DDX60L: variants seen among roughly 807,000 people sequenced by gnomAD.
The protein encoded by DDX60L is DExD/H-box 60 like.
DDX60L carries 191 observed loss-of-function variants against 211.6 expected under a neutral mutation model. The ratio of observed to expected loss-of-function variants is 0.90; its 90% confidence interval spans 0.80 to 1.02. The LOEUF (loss-of-function observed/expected upper bound fraction) is 1.02. Ranked by LOEUF, DDX60L falls within the 50% of genes least tolerant of loss-of-function variation. DDX60L has a pLI of 0.00. For synonymous variants in DDX60L, 706 were observed against 694.1 expected, an observed-to-expected ratio of 1.02 and a Z score of -0.27; for missense variants, 2,007 against 1,984.1, an observed-to-expected ratio of 1.01 and a Z score of -0.22.
intron 34 of DDX60L, among the ~76,000 whole-genome samples, chr4:168,374,512 C>T (rs1363649413): frequency 6.6e-6 from 1 of 152,180 alleles, no homozygotes; most frequent in Non-Finnish European, 1.5e-5. Context: ...ATACCAGTTA[C>T]TCCTCAATCA....
intron 10 of DDX60L, among the ~76,000 whole-genome samples, chr4:168,434,817 G>A (rs923513083): frequency 1.3e-5 from 2 of 152,148 alleles, no homozygotes; most frequent in African/African-American, 4.8e-5. Context: ...TAAATCACCA[G>A]TCATAGCTCC....
At chr4:168,363,071 A>G (rs1477369347) in intron 36 of DDX60L, among the ~76,000 whole-genome samples, 1 of 152,212 alleles carries the variant, frequency 6.6e-6, no homozygotes, top group Non-Finnish European at 1.5e-5. Flanking sequence ...AAAAGCATCA[A>G]GTCACACATA....
intron 26 of DDX60L, among the ~76,000 whole-genome samples, chr4:168,398,810 C>G (rs12512713): frequency 5.3e-5 from 8 of 151,614 alleles, no homozygotes; most frequent in African/African-American, 1.9e-4. Context: ...TTACCAGCTA[C>G]GGAGGGGAGC....
rs1561158178 is a variant in DDX60L, at chr4:168,479,166, A to ATG, written c.-111+1210_-111+1211insCA. On this transcript the variant is annotated intron_variant, in intron 1 of 37. Transcript: ENST00000682922. ...TGGATGGATGGATGGATGGATGGATAGAGAGATAGGAGCTATAGACAAAAA... is the reference window on the plus strand; with the variant it reads ...TGGATGGATGGATGGATGGATGGATATGGAGAGATAGGAGCTATAGACAAAAA... 6.6e-4 allele frequency among the ~76,000 whole-genome samples: 52 copies of ATG among 78,242 alleles called. 1 individual carries two copies. The highest frequency in any genetic ancestry group is 1.4e-3 in the African/African-American group (47 of 33,258). 51.3% of individuals were successfully genotyped at this position (78,242 alleles called of 152,430 possible).
intron 29 of DDX60L, among the ~76,000 whole-genome samples, chr4:168,386,919 AT>A (rs1317461739): frequency 1.3e-5 from 2 of 152,350 alleles, no homozygotes; most frequent in Admixed American, 1.3e-4. Context: ...AGCAAAAGGA[AT>A]TTTATTGATA....
intron 15 of DDX60L, among the ~76,000 whole-genome samples, chr4:168,423,000 T>TGTGTGTGTG (rs375472116): frequency 1.0e-4 from 11 of 108,248 alleles, no homozygotes; most frequent in Middle Eastern, 4.3e-3. Context: ...TGTGTGTGTG[T>TGTGTGTGTG]TGTAGAGACA....
chr4:168,461,177 G>T (rs1340074426), intron 5 of DDX60L, among the ~76,000 whole-genome samples: 1 of 152,180 alleles, frequency 6.6e-6, no homozygotes, highest in Non-Finnish European at 1.5e-5. Context: ...TTGGTGGCCA[G>T]CTCAACCCTG....
At chr4:168,405,902 A>G in intron 24 of DDX60L, 48 bp downstream of exon 24, 1 of 1,500,636 alleles carries the variant, frequency 6.7e-7, no homozygotes, top group South Asian at 1.3e-5. Context: ...GCAACTCCAA[A>G]CAATTAACAA....
chr4:168,387,543 T>C (rs1380729672), intron 29 of DDX60L, among the ~76,000 whole-genome samples: 1 of 152,240 alleles, frequency 6.6e-6, no homozygotes, highest in Non-Finnish European at 1.5e-5. Flanking sequence ...ATCTGCAGAT[T>C]GTTTTTTATA....
chr4:168,384,667 A>T lies in DDX60L; in HGVS notation c.4061T>A (p.Leu1354Gln), dbSNP rs1743541254. 1.9e-6 allele frequency: 3 copies of T among 1,614,028 alleles called. No homozygotes were observed. Among genetic ancestry groups the T allele is most frequent in the Non-Finnish European group, 2.5e-6 (3 of 1,179,976 alleles). Residue 1354 changes from leucine to glutamine, a missense_variant, in exon 30 of 38, where the codon CTG becomes CAG. Coordinates refer to ENST00000682922, the MANE Select transcript of DDX60L (RefSeq NM_001012967.3). ...GQFPLSITLV[L>Q]RLMLLASKGD... ...CTTGGAAGCCAGCAGCATGAGTCGC[A>T]GGACCAGGGTTATGCTGAGAGGGAA...
chr4:168,371,818 T>C (rs985273883), intron 35 of DDX60L, 55 bp from the exon 36 acceptor site: 46 of 1,448,242 alleles, frequency 3.2e-5, no homozygotes, highest in Non-Finnish European at 4.1e-5. Flanking sequence ...AGTAACTGTT[T>C]GCAGTTTGAG....
intron 10 of DDX60L, 53 bp from the exon 11 acceptor site, chr4:168,433,168 G>T: frequency 8.5e-7 from 1 of 1,182,434 alleles, no homozygotes; most frequent in Non-Finnish European, 1.2e-6. Context: ...TATCCTATAT[G>T]AATTTTGAAC....
intron 11 of DDX60L, 136 bp downstream of exon 11, chr4:168,432,874 A>C: frequency 1.9e-6 from 1 of 516,976 alleles, no homozygotes; most frequent in East Asian, 3.1e-5. Context: ...CAATCACTTA[A>C]ATGTATTATA....
At chr4:168,471,013 T>G (rs1343319795) in intron 4 of DDX60L, among the ~76,000 whole-genome samples, 1 of 152,196 alleles carries the variant, frequency 6.6e-6, no homozygotes, top group African/African-American at 2.4e-5. Flanking sequence ...CAAAACTCAA[T>G]GTACTGGTAA....
At position 168,415,511 on chromosome 4, in the gene DDX60L, C is replaced by T. The variant is rs4692661; in HGVS notation, c.2876G>A (p.Cys959Tyr). 2.5e-6 allele frequency: 4 copies of T among 1,570,848 alleles called. No individual in the cohort carries two copies. Among genetic ancestry groups the T allele is most frequent in the African/African-American group, 1.4e-5 (1 of 73,970 alleles). ...NQSYEVRLVL[C>Y]GERYNDLEKH... is the part of the protein sequence containing the mutation. ...CTCTAAATCATTGTATCTCTCTCCA[C>T]AGAGCACTAGATACGAAGAGCAAGA... Residue 959 changes from cysteine (C) to tyrosine (Y), a missense_variant, in exon 22 of 38, where the codon TGT (cysteine) becomes TAT (tyrosine). Physicochemically the swap from Cys to Tyr is radical, Grantham distance 194. Coordinates refer to ENST00000682922, the MANE Select transcript of DDX60L (RefSeq NM_001012967.3).
At chr4:168,395,828 A>G (rs1745661547) in intron 27 of DDX60L, 131 bp downstream of exon 27, 1 of 679,922 alleles carries the variant, frequency 1.5e-6, no homozygotes, top group Non-Finnish European at 2.4e-6. Flanking sequence ...CAAAACAAAC[A>G]AAATCACACA....
intron 30 of DDX60L, among the ~76,000 whole-genome samples, chr4:168,381,585 TTA>T (rs1491274701): frequency 7.2e-5 from 2 of 27,674 alleles, no homozygotes; most frequent in East Asian, 4.4e-3. Flanking sequence ...TCAATTTTTT[TTA>T]AAAAAAAAAA....
rs1304906165 is a variant in DDX60L, at chr4:168,427,095, T to C, written c.1905A>G (p.Ala635=). ...EMLGLIACFK[A]WKKHCRGEGK... ...CTTCACCTCGGCAATGTTTTTTCCA[T>C]GCTTTAAAGCAGGCAATTAATCCTA... The change falls in exon 14 of 38, where the codon GCA becomes GCG. Residue 635 remains alanine (A), a synonymous_variant. Transcript: ENST00000682922. 2 of 1,605,586 alleles carry C rather than the reference T, an allele frequency of 1.2e-6. No homozygotes were observed. Among genetic ancestry groups the C allele is most frequent in the African/African-American group, 1.3e-5 (1 of 75,030 alleles).
Position 168,396,711 on chromosome 4 carries a change from A to C in DDX60L, c.3492-587T>G, listed in dbSNP as rs546899217. On this transcript the variant is annotated intron_variant, in intron 26 of 37. Coordinates refer to ENST00000682922, the MANE Select transcript of DDX60L (RefSeq NM_001012967.3). ...TCCTGAAAAAAGACTGACTGAAGAG[A>C]ATCAGTCACCGAGAAGACCTGGAGC... Among the ~76,000 whole-genome samples the C allele has an allele frequency of 4.6e-5, 7 of 151,718 alleles. No individual in the cohort carries two copies. The East Asian group carries it at 1.4e-3, about 29-fold the overall frequency.
Sources: gnomAD v4.1 joint callset for allele counts (sites outside exome capture counted in the v4.1 genomes callset) on GRCh38, gnomAD v4.1.1 for gene constraint, MANE v1.5 for transcripts, NCBI Gene and HGNC (gene_info 2026-07-23, HGNC 2026-07-21) for gene names.